Variants in ANKRD36 observed in about 807,000 individuals in gnomAD.
The protein encoded by ANKRD36 is ankyrin repeat domain-containing protein 36A.
A neutral mutation model predicts 278.1 loss-of-function variants in ANKRD36; 179 were observed. The ratio of observed to expected loss-of-function variants is 0.64; its 90% CI spans 0.57 to 0.73. ANKRD36 has a LOEUF of 0.73. Among genes scored for constraint, ANKRD36 ranks in the 30% least tolerant of loss-of-function variants. ANKRD36 has a pLI of 0.00. For synonymous variants in ANKRD36, 320 were observed against 641.1 expected (o/e 0.50, Z 7.57); for missense variants, 1,159 against 1,956.7 (o/e 0.59, Z 7.69).
intron 54 of ANKRD36, among the ~76,000 whole-genome samples, chr2:97,208,432 G>A (rs1343740268): frequency 6.8e-6 from 1 of 146,494 alleles, no homozygotes; most frequent in African/African-American, 2.7e-5. Context: ...GGAGACCCCT[G>A]GTGTAGCAAC....
At chr2:97,177,589 A>G (rs896364426) in intron 22 of ANKRD36, among the ~76,000 whole-genome samples, 3 of 152,036 alleles carry the variant, frequency 2.0e-5, no homozygotes, top group African/African-American at 7.2e-5. Flanking sequence ...AGGATTCCCT[A>G]TTTAAAAATG....
In ANKRD36 at chr2:97,154,858, T is replaced by G. The variant is rs1001666030; in HGVS notation, c.1260+117T>G. 32 of 880,466 alleles carry G rather than the reference T, an allele frequency of 3.6e-5. No individual in the cohort carries two copies. In the African/African-American group the frequency reaches 5.1e-4, roughly 14 times the overall value. 54.5% of individuals were successfully genotyped at this position (880,466 alleles called of 1,614,324 possible). On this transcript the variant is annotated intron_variant, in intron 15 of 75. Coordinates refer to ENST00000420699, the MANE Select transcript of ANKRD36 (RefSeq NM_001354587.1). ...ACCTATCATTGTTTTATGTTAGTAT[T>G]AAAACTTTTATTAGAGATAACCATT...
At chr2:97,131,447 C>A (rs1204364818) in intron 6 of ANKRD36, among the ~76,000 whole-genome samples, 4 of 152,092 alleles carry the variant, frequency 2.6e-5, no homozygotes, top group Non-Finnish European at 4.4e-5. Context: ...GATCCTCCTG[C>A]CTCAGCCTCC....
intron 57 of ANKRD36, 45 bp from the exon 58 acceptor site, chr2:97,211,624 A>C (rs754165697): frequency 6.3e-7 from 1 of 1,592,044 alleles, no homozygotes. Flanking sequence ...ATAGTATATG[A>C]AATATACTTT....
Position 97,183,636 on chromosome 2 carries a change from G to A in ANKRD36, c.1921G>A (p.Gly641Ser), listed in dbSNP as rs766689541. 2.5e-6 allele frequency: 4 copies of A among 1,574,608 alleles called. No homozygotes were observed. In the East Asian group the frequency reaches 7.0e-5, roughly 28 times the overall value. The change falls in exon 28 of 76, where the codon GGT becomes AGT. Residue 641 changes from glycine to serine, a missense_variant. By Grantham distance (56) the Gly-to-Ser change is moderately conservative. Transcript: ENST00000420699. ...GAATATTGCCACAAGAATAATGGGT[G>A]GTGGGAAATCTGGAACAGGTAATTT... is the stretch of plus-strand genomic sequence containing the variant. ...LLNIATRIMG[G>S]GKSGTVSSQK... is the part of the protein sequence containing the mutation.
In ANKRD36 at chr2:97,196,576, T is replaced by C; in HGVS notation, c.2552-17T>C. 6.2e-7 allele frequency: 1 copy of C among 1,604,736 alleles called. No individual in the cohort carries two copies. Among genetic ancestry groups the C allele is most frequent in the Non-Finnish European group, 8.5e-7 (1 of 1,178,680 alleles). On this transcript the variant is annotated splice_polypyrimidine_tract_variant and intron_variant, in intron 40 of 75. Transcript: ENST00000420699. Reference sequence around the variant, plus strand: ...ATATTTATGTATGACTGATTATGAATCCCTTTTGCTTTTCAGTGTCTTCTC... The same window carrying C: ...ATATTTATGTATGACTGATTATGAACCCCTTTTGCTTTTCAGTGTCTTCTC...
chr2:97,229,701 G>A (rs1305346296), intron 67 of ANKRD36, among the ~76,000 whole-genome samples: 4 of 151,932 alleles, frequency 2.6e-5, no homozygotes, highest in Admixed American at 2.6e-4. Context: ...TAGTTATTTT[G>A]CTAATTAGTT....
chr2:97,165,406 T>G (rs2050354934), intron 20 of ANKRD36, among the ~76,000 whole-genome samples: 1 of 152,176 alleles, frequency 6.6e-6, no homozygotes, highest in African/African-American at 2.4e-5. Flanking sequence ...AACATAAATA[T>G]GATGACATAC....
rs1229481469 is a variant in ANKRD36, at chr2:97,124,329, A to G, written c.594-131A>G. On this transcript the variant is annotated intron_variant, in intron 4 of 75. Coordinates refer to ENST00000420699, the MANE Select transcript of ANKRD36 (RefSeq NM_001354587.1). ...GCAAAGATAAACCCTTGAGCACCCA[A>G]GATGCTTGTTTCTTAGTACATGTAA... 3 of 1,245,776 alleles carry G rather than the reference A, an allele frequency of 2.4e-6. No individual in the cohort carries two copies. In the African/African-American group the frequency reaches 4.6e-5, roughly 19 times the overall value. 77.2% of individuals were successfully genotyped at this position (1,245,776 alleles called of 1,614,324 possible). A position where few individuals can be genotyped will look rare whatever the true frequency, so the allele number is the denominator to read the frequency against.
chr2:97,200,876 A>C (rs539216765), intron 46 of ANKRD36, among the ~76,000 whole-genome samples: 1 of 151,906 alleles, frequency 6.6e-6, no homozygotes, highest in East Asian at 1.9e-4. Flanking sequence ...ACGTCACATC[A>C]TAGTGCTAAA....
chr2:97,156,125 A>T (rs1211543859), intron 15 of ANKRD36, among the ~76,000 whole-genome samples: 1 of 146,852 alleles, frequency 6.8e-6, no homozygotes, highest in Non-Finnish European at 1.5e-5. Flanking sequence ...TTCCAACTGG[A>T]AGCTTAGATT....
intron 43 of ANKRD36, 47 bp downstream of exon 43, chr2:97,198,538 A>C: frequency 6.4e-7 from 1 of 1,564,064 alleles, no homozygotes; most frequent in Non-Finnish European, 8.6e-7. Flanking sequence ...TGCATAGTCT[A>C]TGAAACATAC....
chr2:97,195,677 C>T (rs2059561985), intron 40 of ANKRD36, among the ~76,000 whole-genome samples: 1 of 151,918 alleles, frequency 6.6e-6, no homozygotes, highest in Non-Finnish European at 1.5e-5. Context: ...CAAGGAGCTA[C>T]CTCTTGGATA....
chr2:97,185,915 T>G (rs2057332713), intron 30 of ANKRD36, among the ~76,000 whole-genome samples: 1 of 151,796 alleles, frequency 6.6e-6, no homozygotes, highest in South Asian at 2.1e-4. Context: ...GTAAAAATTG[T>G]AGAATGAGAA....
intron 22 of ANKRD36, among the ~76,000 whole-genome samples, chr2:97,177,569 C>T (rs2054674232): frequency 6.6e-6 from 1 of 151,992 alleles, no homozygotes; most frequent in African/African-American, 2.4e-5. Context: ...GAAAAACAAG[C>T]AATGGGGAAA....
chr2:97,125,165 A>C (rs2038217883), intron 5 of ANKRD36, among the ~76,000 whole-genome samples: 1 of 151,040 alleles, frequency 6.6e-6, no homozygotes, highest in African/African-American at 2.4e-5. Context: ...CATTGAAAGT[A>C]CTCTTGCAGT....
intron 11 of ANKRD36, among the ~76,000 whole-genome samples, chr2:97,146,734 G>C (rs2044359834): frequency 6.6e-6 from 1 of 151,546 alleles, no homozygotes; most frequent in Admixed American, 6.6e-5. Context: ...TGAAATATTG[G>C]CTCATGATTC....
intron 15 of ANKRD36, among the ~76,000 whole-genome samples, chr2:97,157,413 G>A (rs1402831526): frequency 6.7e-6 from 1 of 148,550 alleles, no homozygotes; most frequent in Admixed American, 6.8e-5. Flanking sequence ...ACTTACCTCA[G>A]TCTAATATTT....
Position 97,198,649 on chromosome 2 carries a change from A to C in ANKRD36, c.2746A>C (p.Thr916Pro), listed in dbSNP as rs1306931754. ...CAGAGGAAAAAAGGATGGAGAAAAA[A>C]CTAAGAGAGGTAATTTTGAAAAGAG... is the stretch of plus-strand genomic sequence containing the variant. ...IARGKKDGEK[T>P]KRVSSRKKPS... Residue 916 changes from threonine (T) to proline (P), a missense_variant, in exon 44 of 76, where the codon ACT becomes CCT. By Grantham distance (38) the Thr-to-Pro change is conservative. Coordinates refer to ENST00000420699, the MANE Select transcript of ANKRD36 (RefSeq NM_001354587.1). 1.9e-6 allele frequency: 3 copies of C among 1,542,450 alleles called. No individual in the cohort carries two copies. In the African/African-American group the frequency reaches 4.1e-5, roughly 21 times the overall value.
Sources: gnomAD v4.1 joint callset for allele counts (sites outside exome capture counted in the v4.1 genomes callset) on GRCh38, gnomAD v4.1.1 for gene constraint, MANE v1.5 for transcripts, NCBI Gene and HGNC (gene_info 2026-07-23, HGNC 2026-07-21) for gene names.